The following MMS22L variants were observed in gnomAD, a reference collection of about 807,000 sequenced individuals.
The protein encoded by MMS22L is MMS22 like, DNA repair protein, also known as protein MMS22-like.
A neutral mutation model predicts 159.1 loss-of-function variants in MMS22L; 74 were observed. The ratio of observed to expected loss-of-function variants is 0.47; its 90% CI spans 0.39 to 0.56. MMS22L has a LOEUF of 0.56. Ranked by LOEUF, MMS22L falls within the 20% of genes least tolerant of loss-of-function variation. The probability of loss-of-function intolerance (pLI) is 0.00; values close to 1 mark genes in which losing one functional copy is unlikely to be tolerated. For missense variants in MMS22L, 1,351 were observed against 1,422.1 expected, an observed-to-expected ratio of 0.95 and a Z score of 0.80; for synonymous variants, 517 against 506.9, an observed-to-expected ratio of 1.02 and a Z score of -0.27.
At chr6:97,268,062 G>C (rs1815326293) in intron 7 of MMS22L, 60 bp from the exon 8 acceptor site, 1 of 1,167,730 alleles carries the variant, frequency 8.6e-7, no homozygotes. Context: ...AAAGGAAAAA[G>C]TGACTGTACA....
At position 97,246,700 on chromosome 6, in the gene MMS22L, G is replaced by A; in HGVS notation, c.1120-10C>T. On this transcript the variant is annotated splice_polypyrimidine_tract_variant and intron_variant, in intron 10 of 24. Coordinates refer to ENST00000683635, the MANE Select transcript of MMS22L (RefSeq NM_001350599.2). The stretch of plus-strand genomic sequence containing the variant: ...TTGATTCCACTTTTCTCTAGAAAGG[G>A]AGAAAATAGTGCATCAAAATTATTG... 1 of 1,487,510 alleles carries A rather than the reference G, an allele frequency of 6.7e-7. No homozygotes were observed. Among genetic ancestry groups the A allele is most frequent in the South Asian group, 1.2e-5 (1 of 85,702 alleles). The allele number at this position is 1,487,510 out of a possible 1,614,324, so 92.1% of individuals were successfully genotyped here.
intron 11 of MMS22L, among the ~76,000 whole-genome samples, chr6:97,241,118 G>C (rs927080098): frequency 6.6e-6 from 1 of 152,166 alleles, no homozygotes; most frequent in Non-Finnish European, 1.5e-5. Flanking sequence ...ACTCAATCCA[G>C]GTTCCTGCAA....
At chr6:97,167,967 G>T (rs938446350) in intron 20 of MMS22L, 104 bp downstream of exon 20, 2 of 967,270 alleles carry the variant, frequency 2.1e-6, no homozygotes, top group Non-Finnish European at 3.0e-6. Context: ...AAGCATTTGA[G>T]ATTATAATGT....
In MMS22L at chr6:97,144,064, C is replaced by CAGAGCA. The variant is rs1044877984; in HGVS notation, c.*2736_*2741dup. Reference sequence around the variant, plus strand: ...TGCCACTGCACTCCAGCCTGGGCGACAGAGCAAGACTCTGCCTCAAAACAA... The same window carrying CAGAGCA: ...TGCCACTGCACTCCAGCCTGGGCGACAGAGCAAGAGCAAGACTCTGCCTCAAAACAA... On this transcript the variant is annotated 3_prime_UTR_variant, in exon 25 of 25. Transcript: ENST00000683635. 2.4e-5 allele frequency: 3 copies of CAGAGCA among 125,068 alleles called. No homozygotes were observed. The highest frequency in any genetic ancestry group is 9.4e-5 in the African/African-American group (3 of 31,806). The allele number at this position is 125,068 out of a possible 1,614,324, so 7.7% of individuals were successfully genotyped here.
chr6:97,256,073 A>C (rs1813774821), intron 9 of MMS22L, among the ~76,000 whole-genome samples: 1 of 152,098 alleles, frequency 6.6e-6, no homozygotes, highest in African/African-American at 2.4e-5. Context: ...TTTAGTTTTA[A>C]ATCTACAATC....
intron 22 of MMS22L, among the ~76,000 whole-genome samples, chr6:97,153,099 C>A (rs1328124064): frequency 1.3e-5 from 2 of 151,998 alleles, no homozygotes; most frequent in Non-Finnish European, 2.9e-5. Flanking sequence ...ACCTTGGCGT[C>A]CCAAAGCACT....
intron 14 of MMS22L, among the ~76,000 whole-genome samples, chr6:97,224,420 A>G (rs1286318964): frequency 6.6e-6 from 1 of 152,172 alleles, no homozygotes; most frequent in Non-Finnish European, 1.5e-5. Context: ...GAATTTAAGG[A>G]GCAAAAATTT....
intron 14 of MMS22L, among the ~76,000 whole-genome samples, chr6:97,212,025 G>C (rs1028090106): frequency 6.6e-6 from 1 of 152,158 alleles, no homozygotes; most frequent in Admixed American, 6.5e-5. Flanking sequence ...GGCAATCTCA[G>C]AGAAAATTCT....
intron 14 of MMS22L, among the ~76,000 whole-genome samples, chr6:97,192,636 G>C (rs1466794268): frequency 2.0e-5 from 3 of 152,170 alleles, no homozygotes; most frequent in African/African-American, 7.2e-5. Flanking sequence ...ACAAGCTTTG[G>C]AGACAGACAT....
chr6:97,145,065 C>CACACAAAA lies in MMS22L; in HGVS notation c.*1740_*1741insTTTTGTGT, dbSNP rs754243176. The CACACAAAA allele has an allele frequency of 7.4e-6, 1 of 135,458 alleles. No homozygotes were observed. Among genetic ancestry groups the CACACAAAA allele is most frequent in the African/African-American group, 3.3e-5 (1 of 30,718 alleles). 8.4% of individuals were successfully genotyped at this position (135,458 alleles called of 1,614,324 possible). On this transcript the variant is annotated 3_prime_UTR_variant, in exon 25 of 25. Coordinates refer to ENST00000683635, the MANE Select transcript of MMS22L (RefSeq NM_001350599.2). ...ACACACACACACACACACACACACA[C>CACACAAAA]AAAAACACATATACACATAAATAAC...
chr6:97,182,112 C>A, intron 15 of MMS22L, 58 bp from the exon 16 acceptor site: 1 of 1,427,188 alleles, frequency 7.0e-7, no homozygotes, highest in Non-Finnish European at 9.5e-7. Flanking sequence ...ATTTCTGACC[C>A]ACACACCCCT....
intron 14 of MMS22L, among the ~76,000 whole-genome samples, chr6:97,221,402 G>T (rs1163084839): frequency 6.6e-6 from 1 of 151,900 alleles, no homozygotes; most frequent in African/African-American, 2.4e-5. Context: ...CAAAAAAGTG[G>T]AACTCTGCAA....
chr6:97,191,257 G>A (rs911892236), intron 14 of MMS22L, among the ~76,000 whole-genome samples: 2 of 152,116 alleles, frequency 1.3e-5, no homozygotes, highest in African/African-American at 4.8e-5. Context: ...CTCAGTTTCT[G>A]CTCCTCCCTA....
intron 14 of MMS22L, among the ~76,000 whole-genome samples, chr6:97,189,064 C>T (rs1409615202): frequency 6.6e-6 from 1 of 151,440 alleles, no homozygotes; most frequent in Non-Finnish European, 1.5e-5. Flanking sequence ...TTTTGAAGGG[C>T]CAGGAGCAAC....
At chr6:97,238,220 G>C (rs1490387437) in intron 11 of MMS22L, among the ~76,000 whole-genome samples, 2 of 152,218 alleles carry the variant, frequency 1.3e-5, no homozygotes, top group Non-Finnish European at 2.9e-5. Flanking sequence ...GGTATGTGCA[G>C]TAAGTGTTAA....
chr6:97,165,481 T>C, intron 20 of MMS22L, 24 bp from the exon 21 acceptor site: 1 of 1,582,514 alleles, frequency 6.3e-7, no homozygotes, highest in South Asian at 1.1e-5. Flanking sequence ...AAGTAAGAAA[T>C]ACTAAGAGGT....
At chr6:97,180,563 A>T (rs1459837517) in intron 16 of MMS22L, among the ~76,000 whole-genome samples, 6 of 152,228 alleles carry the variant, frequency 3.9e-5, no homozygotes, top group Non-Finnish European at 8.8e-5. Flanking sequence ...TGTCATAAAA[A>T]AGGACACAAT....
intron 22 of MMS22L, among the ~76,000 whole-genome samples, chr6:97,160,818 T>G (rs1239548256): frequency 6.6e-6 from 1 of 152,050 alleles, no homozygotes; most frequent in Non-Finnish European, 1.5e-5. Flanking sequence ...TTAGATTGTA[T>G]GATCTGTATT....
chr6:97,176,949 A>T (rs1804188695), intron 18 of MMS22L, among the ~76,000 whole-genome samples: 1 of 152,158 alleles, frequency 6.6e-6, no homozygotes, highest in South Asian at 2.1e-4. Context: ...ACACAACTTA[A>T]AAATGAATAA....
Sources: allele counts gnomAD v4.1 joint callset (sites outside exome capture counted in the v4.1 genomes callset), GRCh38; gene constraint gnomAD v4.1.1; transcripts MANE v1.5; gene names NCBI Gene and HGNC (gene_info 2026-07-23, HGNC 2026-07-21).